GPM6A: variants seen among roughly 807,000 people sequenced by gnomAD.
The protein encoded by GPM6A is glycoprotein M6A.
In GPM6A, 7 loss-of-function variants were observed where a neutral mutation model predicts 32.1. The observed-to-expected ratio is 0.22, with a 90% CI of 0.12 to 0.41. GPM6A has a LOEUF of 0.41. GPM6A is among the 10% of genes least tolerant of loss of function. The pLI is 1.00. For missense variants in GPM6A, 235 were observed against 347.2 expected (o/e 0.68, Z 2.57); for synonymous variants, 130 against 123.4 (o/e 1.05, Z -0.35).
intron 4 of GPM6A, among the ~76,000 whole-genome samples, chr4:175,646,990 GTGAC>G (rs1207855538): frequency 6.6e-6 from 1 of 152,232 alleles, no homozygotes; most frequent in East Asian, 1.9e-4. Context: ...TTCTGTCTCA[GTGAC>G]TGGCTTTCTG....
chr4:175,667,225 C>T (rs867697985), intron 3 of GPM6A, among the ~76,000 whole-genome samples: 1 of 151,968 alleles, frequency 6.6e-6, no homozygotes, highest in Non-Finnish European at 1.5e-5. Flanking sequence ...TTTAGTTTTT[C>T]TTTTTCAGTA....
chr4:175,678,113 C>A (rs1451275883), intron 2 of GPM6A, among the ~76,000 whole-genome samples: 1 of 152,120 alleles, frequency 6.6e-6, no homozygotes, highest in Non-Finnish European at 1.5e-5. Context: ...GCCATACAGA[C>A]ACACACAGAG....
At chr4:175,726,061 C>T (rs1331783699) in intron 1 of GPM6A, among the ~76,000 whole-genome samples, 2 of 140,138 alleles carry the variant, frequency 1.4e-5, no homozygotes, top group Admixed American at 1.6e-4. Flanking sequence ...GGCGCGATCT[C>T]GGCTCACTGC....
intron 1 of GPM6A, among the ~76,000 whole-genome samples, chr4:175,729,773 T>C (rs1392059581): frequency 7.3e-6 from 1 of 136,306 alleles, no homozygotes; most frequent in East Asian, 2.4e-4. Context: ...TTATCTATTA[T>C]ATTATTTATA....
chr4:175,711,719 T>G (rs1745559471), intron 1 of GPM6A, among the ~76,000 whole-genome samples: 2 of 109,870 alleles, frequency 1.8e-5, no homozygotes, highest in Admixed American at 1.0e-4. Flanking sequence ...CTAGTTTGGG[T>G]GGGGGGTGGG....
At chr4:175,766,571 T>G (rs1732975067) in intron 1 of GPM6A, among the ~76,000 whole-genome samples, 1 of 152,130 alleles carries the variant, frequency 6.6e-6, no homozygotes, top group Admixed American at 6.5e-5. Flanking sequence ...TAGATTGATC[T>G]AATATACCTA....
chr4:175,650,286 ATTTATTTATTTATTTAT>A (rs1741714873), intron 4 of GPM6A, among the ~76,000 whole-genome samples: 1 of 65,720 alleles, frequency 1.5e-5, no homozygotes, highest in African/African-American at 6.6e-5. Flanking sequence ...TTATTTATTT[ATTTATTTATTTATTTAT>A]TTATTTATTT....
intron 1 of GPM6A, among the ~76,000 whole-genome samples, chr4:175,870,370 T>C (rs559850021): frequency 6.6e-6 from 1 of 152,320 alleles, no homozygotes; most frequent in East Asian, 1.9e-4. Flanking sequence ...ATTCAGCATC[T>C]TAGGCTACCT....
chr4:176,000,395 C>CA (rs1379203877), intron 1 of GPM6A, among the ~76,000 whole-genome samples: 1 of 152,188 alleles, frequency 6.6e-6, no homozygotes, highest in African/African-American at 2.4e-5. Flanking sequence ...TCCCCCACAA[C>CA]AAAATCTTCC....
chr4:175,951,902 A>T (rs1412120940), intron 1 of GPM6A, among the ~76,000 whole-genome samples: 1 of 152,164 alleles, frequency 6.6e-6, no homozygotes, highest in African/African-American at 2.4e-5. Context: ...TTCTCTGAAC[A>T]AGAGGGAATT....
At chr4:175,801,912 C>T (rs148583507) in intron 1 of GPM6A, among the ~76,000 whole-genome samples, 3 of 152,158 alleles carry the variant, frequency 2.0e-5, no homozygotes, top group South Asian at 4.1e-4. Context: ...AGTGGTCGCT[C>T]TTGATACACA....
chr4:175,967,242 TTAA>T (rs1740359309), intron 1 of GPM6A, among the ~76,000 whole-genome samples: 1 of 152,170 alleles, frequency 6.6e-6, no homozygotes, highest in Non-Finnish European at 1.5e-5. Flanking sequence ...TGACAACCCA[TTAA>T]TGATAAAAAC....
intron 1 of GPM6A, among the ~76,000 whole-genome samples, chr4:175,780,372 C>G (rs1733571806): frequency 6.6e-6 from 1 of 152,126 alleles, no homozygotes; most frequent in Admixed American, 6.5e-5. Context: ...TAATAAATCA[C>G]TTGCATGAAC....
At chr4:175,953,843 G>A (rs1021509966) in intron 1 of GPM6A, among the ~76,000 whole-genome samples, 12 of 152,172 alleles carry the variant, frequency 7.9e-5, no homozygotes, top group African/African-American at 2.9e-4. Context: ...GGGTTGTGAT[G>A]AGCCGAGATC....
At chr4:175,872,781 AT>A (rs1323939376) in intron 1 of GPM6A, 1 of 152,230 alleles carries the variant, frequency 6.6e-6, no homozygotes, top group Non-Finnish European at 1.5e-5. Context: ...ATAAATTAAC[AT>A]GTAGACAGAT....
intron 1 of GPM6A, among the ~76,000 whole-genome samples, chr4:175,777,125 T>C (rs1263785130): frequency 6.6e-6 from 1 of 152,142 alleles, no homozygotes; most frequent in Admixed American, 6.6e-5. Context: ...AAATGCAAGA[T>C]AGTGAGGTAT....
intron 1 of GPM6A, among the ~76,000 whole-genome samples, chr4:175,876,129 C>T (rs1463767937): frequency 6.6e-6 from 1 of 152,138 alleles, no homozygotes; most frequent in Non-Finnish European, 1.5e-5. Context: ...CTTCTAGAAT[C>T]TGCACTGTGA....
At chr4:175,804,595 T>A (rs895461115) in intron 1 of GPM6A, among the ~76,000 whole-genome samples, 9 of 152,112 alleles carry the variant, frequency 5.9e-5, no homozygotes, top group Non-Finnish European at 1.3e-4. Flanking sequence ...AGACACTGCA[T>A]ATGAAATGCT....
intron 1 of GPM6A, among the ~76,000 whole-genome samples, chr4:175,907,617 TC>T (rs1439077639): frequency 6.6e-6 from 1 of 152,138 alleles, no homozygotes; most frequent in Non-Finnish European, 1.5e-5. Context: ...CTCTTGCCCT[TC>T]TGTCCTGAAA....
Sources: allele counts gnomAD v4.1 joint callset (sites outside exome capture counted in the v4.1 genomes callset), GRCh38; gene constraint gnomAD v4.1.1; transcripts MANE v1.5; gene names NCBI Gene and HGNC (gene_info 2026-07-23, HGNC 2026-07-21).